LIG4: variants seen among roughly 807,000 people sequenced by gnomAD.
LIG4 encodes the protein DNA joinase.
Under a neutral mutation model 19.0 loss-of-function variants are expected in LIG4, and 13 were observed. That is an observed-to-expected ratio of 0.68 (90% CI 0.44 to 1.09). The LOEUF (loss-of-function observed/expected upper bound fraction) is 1.09, where lower values mean the gene tolerates loss of function less well. LIG4 is among the 50% of genes least tolerant of loss of function. The pLI is 0.00. For missense variants in LIG4, 1,026 were observed against 1,089.7 expected, an observed-to-expected ratio of 0.94 and a Z score of 0.82; for synonymous variants, 361 against 358.2, an observed-to-expected ratio of 1.01 and a Z score of -0.09.
rs971449364 is a variant in LIG4, at chr13:108,207,611, C to A, written c.*922G>T. 2 of 151,936 alleles carry A rather than the reference C, an allele frequency of 1.3e-5. No individual in the cohort carries two copies. The highest frequency in any genetic ancestry group is 2.9e-5 in the Non-Finnish European group (2 of 67,986). The allele number at this position is 151,936 out of a possible 1,614,324, so 9.4% of individuals were successfully genotyped here. On this transcript the variant is annotated 3_prime_UTR_variant, in exon 3 of 3. Coordinates refer to ENST00000442234, the MANE Select transcript of LIG4 (RefSeq NM_206937.2). ...TATGGTCATGAGATAGGCTGTATTC[C>A]AAAATTTGGTATATAAATCCATACA...
rs1878289008 is a variant in LIG4 at position 108,209,204 on chromosome 13, T to C, written c.2065A>G (p.Ile689Val). The C allele has an allele frequency of 6.2e-7, 1 of 1,614,208 alleles. No homozygotes were observed. The highest frequency in any genetic ancestry group is 2.2e-5 in the East Asian group (1 of 44,886). ...ENRIAEFGGY[I>V]VQNPGPDTYC... ...GTGTCTGGGCCTGGATTTTGTACTA[T>C]ATAACCACCAAATTCTGCAATTCTG... Residue 689 changes from isoleucine (I) to valine (V), a missense_variant, in exon 3 of 3, where the codon ATA (isoleucine) becomes GTA (valine). Physicochemically the swap from Ile to Val is conservative, Grantham distance 29. Around this residue, in one of 3 missense-constraint regions of LIG4, gnomAD observed 521 missense variants for 515.5 expected, o/e 1.01. Coordinates refer to ENST00000442234, the MANE Select transcript of LIG4 (RefSeq NM_206937.2).
Position 108,208,471 on chromosome 13 carries a change from C to A in LIG4, c.*62G>T. On this transcript the variant is annotated 3_prime_UTR_variant, in exon 3 of 3. Coordinates refer to ENST00000442234, the MANE Select transcript of LIG4 (RefSeq NM_206937.2). ...AATAAAATGTAGTTTAGTATTTTAT[C>A]ATTACCACCTGCTGCAATGAGTCTG... 1 of 1,011,554 alleles carries A rather than the reference C, an allele frequency of 9.9e-7. No homozygotes were observed. Among genetic ancestry groups the A allele is most frequent in the Non-Finnish European group, 1.5e-6 (1 of 657,084 alleles). 62.7% of individuals were successfully genotyped at this position (1,011,554 alleles called of 1,614,324 possible). A position where few individuals can be genotyped will look rare whatever the true frequency, so the allele number is the denominator to read the frequency against.
rs750391445 is a variant in LIG4, at chr13:108,210,173, CACAATA to C, written c.1090_1095del (p.Tyr364_Cys365del). On this transcript the variant is annotated inframe_deletion, in exon 3 of 3. Coordinates refer to ENST00000442234, the MANE Select transcript of LIG4 (RefSeq NM_206937.2). ...TTATTAACCATCAATACATCAAAAACACAATAACAAGTTTGCAGATCAGAATCCTCT... is the reference window on the plus strand; with the variant it reads ...TTATTAACCATCAATACATCAAAAACACAAGTTTGCAGATCAGAATCCTCT... 1 of 1,613,792 alleles carries C rather than the reference CACAATA, an allele frequency of 6.2e-7. No homozygotes were observed. The highest frequency in any genetic ancestry group is 1.1e-5 in the South Asian group (1 of 91,070).
chr13:108,209,114 CATGTTTATTTGACAAAATT>C lies in LIG4; in HGVS notation c.2136_2154del (p.Ile712MetfsTer10), dbSNP rs746688093. ...AAAAGCCATGCAGGCTTGACAACATCATGTTTATTTGACAAAATTATGTTTTTCACTCTGATGTTCTCAG... is the reference window on the plus strand; with the variant it reads ...AAAAGCCATGCAGGCTTGACAACATCATGTTTTTCACTCTGATGTTCTCAG... On this transcript the variant is annotated frameshift_variant, in exon 3 of 3. Transcript: ENST00000442234. LOFTEE classifies it low-confidence loss of function (END_TRUNC). The C allele has an allele frequency of 2.5e-6, 4 of 1,614,140 alleles. No individual in the cohort carries two copies. Among genetic ancestry groups the C allele is most frequent in the Non-Finnish European group, 3.4e-6 (4 of 1,180,018 alleles).
chr13:108,209,910 C>A lies in LIG4; in HGVS notation c.1359G>T (p.Glu453Asp). The stretch of plus-strand genomic sequence containing the variant: ...ATTCATCCATTAGTCCACTGACATA[C>A]TCTGGTTTAATTTTTAACCACCCTT... ...RGEGWLKIKP[E>D]YVSGLMDELD... Residue 453 changes from glutamate (E) to aspartate (D), a missense_variant, in exon 3 of 3, where the codon GAG (glutamate) becomes GAT (aspartate). By Grantham distance (45) the Glu-to-Asp change is conservative. Around this residue, in one of 3 missense-constraint regions of LIG4, gnomAD observed 493 missense variants for 544.5 expected, o/e 0.91. Coordinates refer to ENST00000442234, the MANE Select transcript of LIG4 (RefSeq NM_206937.2). 1 of 1,614,168 alleles carries A rather than the reference C, an allele frequency of 6.2e-7. No individual in the cohort carries two copies. Among genetic ancestry groups the A allele is most frequent in the Non-Finnish European group, 8.5e-7 (1 of 1,180,020 alleles).
chr13:108,215,479 C>A lies in LIG4; in HGVS notation c.-102+5G>T, dbSNP rs1479485823. The A allele has an allele frequency of 8.3e-6, 1 of 120,624 alleles. No individual in the cohort carries two copies. Among genetic ancestry groups the A allele is most frequent in the Non-Finnish European group, 1.7e-5 (1 of 58,314 alleles). 7.5% of individuals were successfully genotyped at this position (120,624 alleles called of 1,614,324 possible). On this transcript the variant is annotated splice_donor_5th_base_variant and intron_variant, in intron 1 of 2. Transcript: ENST00000442234. ...CCCCCACCTGCCACCCCACACCCTT[C>A]CCACCTGACGTCAAGCCTGAAGCTC...
chr13:108,214,247 C>T (rs995312929), intron 2 of LIG4, among the ~76,000 whole-genome samples: 2 of 152,128 alleles, frequency 1.3e-5, no homozygotes, highest in African/African-American at 4.8e-5. Flanking sequence ...CCCTAGGAAA[C>T]AAAGGGTTTA....
chr13:108,208,602 T>G lies in LIG4; in HGVS notation c.2667A>C (p.Leu889=). Residue 889 remains leucine, a synonymous_variant, in exon 3 of 3, where the codon CTA becomes CTC. Coordinates refer to ENST00000442234, the MANE Select transcript of LIG4 (RefSeq NM_206937.2). ...RRTFKRKFKI[L]KESWVTDSID... ...TTGAATCAGTTACCCAACTTTCTTT[T>G]AGGATTTTAAACTTTCTCTTAAAAG... 1.2e-6 allele frequency: 2 copies of G among 1,613,354 alleles called. No individual in the cohort carries two copies. The highest frequency in any genetic ancestry group is 4.5e-5 in the East Asian group (2 of 44,876).
At chr13:108,217,341 T>C (rs1331504664), upstream of LIG4, among the ~76,000 whole-genome samples, 1 of 151,998 alleles carries the variant, frequency 6.6e-6, no homozygotes, top group Non-Finnish European at 1.5e-5. Flanking sequence ...CATGGTGAAA[T>C]CCCGTCTCTA....
chr13:108,214,218 C>A (rs1400332022), intron 2 of LIG4, among the ~76,000 whole-genome samples: 2 of 152,086 alleles, frequency 1.3e-5, no homozygotes, highest in African/African-American at 4.8e-5. Flanking sequence ...CTTCATGCAA[C>A]CCTTGACAAG....
chr13:108,209,047 C>A lies in LIG4; in HGVS notation c.2222G>T (p.Arg741Leu). The change falls in exon 3 of 3, where the codon CGC becomes CTC. Residue 741 changes from arginine (R) to leucine (L), a missense_variant. Around this residue, in one of 3 missense-constraint regions of LIG4, gnomAD observed 521 missense variants for 515.5 expected, o/e 1.01. Transcript: ENST00000442234. ...KTKSFVPWQP[R>L]FMIHMCPSTK... ...TGATGGGCACATATGAATCATAAAG[C>A]GAGGCTGCCATGGTACAAAGCTTTT... is the stretch of plus-strand genomic sequence containing the variant. 1 of 1,614,070 alleles carries A rather than the reference C, an allele frequency of 6.2e-7. No individual in the cohort carries two copies. Among genetic ancestry groups the A allele is most frequent in the Non-Finnish European group, 8.5e-7 (1 of 1,180,030 alleles).
At chr13:108,215,613 G>A (rs1214503642), upstream of LIG4, 6 of 151,122 alleles carry the variant, frequency 4.0e-5, no homozygotes, top group African/African-American at 1.2e-4. Flanking sequence ...CAAGCACGCC[G>A]GCGCAGCCAG....
In LIG4 at chr13:108,210,258, A is replaced by G. The variant is rs1566365551; in HGVS notation, c.1011T>C (p.Pro337=). 2 of 1,613,780 alleles carry G rather than the reference A, an allele frequency of 1.2e-6. No homozygotes were observed. Among genetic ancestry groups the G allele is most frequent in the African/African-American group, 1.3e-5 (1 of 74,932 alleles). ...ILDGEMMAYN[P]NTQTFMQKGT... is the part of the protein sequence containing the mutation. ...CCTTTTGCATGAAAGTTTGTGTATT[A>G]GGATTATAGGCCATCATCTCACCAT... Residue 337 remains proline, a synonymous_variant, in exon 3 of 3, where the codon CCT becomes CCC. Transcript: ENST00000442234.
At chr13:108,214,961 C>T (rs1478417812) in intron 1 of LIG4, among the ~76,000 whole-genome samples, 13 of 105,090 alleles carry the variant, frequency 1.2e-4, no homozygotes, top group Non-Finnish European at 2.0e-5. Flanking sequence ...CCCCACTTCC[C>T]CTACTTGACT....
rs1878051084 is a variant in LIG4 at position 108,207,594 on chromosome 13, T to C, written c.*939A>G. On this transcript the variant is annotated 3_prime_UTR_variant, in exon 3 of 3. Coordinates refer to ENST00000442234, the MANE Select transcript of LIG4 (RefSeq NM_206937.2). ...AATTCCGTACATTTCAATATGGTCATGAGATAGGCTGTATTCCAAAATTTG... is the reference window on the plus strand; with the variant it reads ...AATTCCGTACATTTCAATATGGTCACGAGATAGGCTGTATTCCAAAATTTG... 6.6e-6 allele frequency: 1 copy of C among 152,154 alleles called. No individual in the cohort carries two copies. The highest frequency in any genetic ancestry group is 2.1e-4 in the South Asian group (1 of 4,834). The allele number at this position is 152,154 out of a possible 1,614,324, so 9.4% of individuals were successfully genotyped here.
At chr13:108,212,792 G>A (rs1325583845) in intron 2 of LIG4, among the ~76,000 whole-genome samples, 1 of 151,878 alleles carries the variant, frequency 6.6e-6, no homozygotes, top group Middle Eastern at 3.2e-3. Flanking sequence ...CTAGAGGCCA[G>A]GAATTGTGCT....
intron 2 of LIG4, among the ~76,000 whole-genome samples, chr13:108,214,140 G>A (rs1353700701): frequency 6.6e-6 from 1 of 152,130 alleles, no homozygotes; most frequent in African/African-American, 2.4e-5. Context: ...GTGATTAAGT[G>A]CTATGCTATT....
chr13:108,209,137 T>C lies in LIG4; in HGVS notation c.2132A>G (p.Asn711Ser). 6 of 1,614,170 alleles carry C rather than the reference T, an allele frequency of 3.7e-6. No homozygotes were observed. Among genetic ancestry groups the C allele is most frequent in the Non-Finnish European group, 5.1e-6 (6 of 1,180,012 alleles). ...IAGSENIRVK[N>S]IILSNKHDVV... is the part of the protein sequence containing the mutation. ...ATCATGTTTATTTGACAAAATTATG[T>C]TTTTCACTCTGATGTTCTCAGACCC... Residue 711 changes from asparagine (N) to serine (S), a missense_variant, in exon 3 of 3, where the codon AAC (asparagine) becomes AGC (serine). Asn to Ser is a conservative substitution (Grantham distance 46). This residue lies in a region of LIG4 where 521 missense variants were observed against 515.5 expected (regional missense o/e 1.01). Transcript: ENST00000442234.
At chr13:108,213,584 C>T (rs1878892332) in intron 2 of LIG4, among the ~76,000 whole-genome samples, 1 of 152,182 alleles carries the variant, frequency 6.6e-6, no homozygotes, top group South Asian at 2.1e-4. Flanking sequence ...AAGATTAGGA[C>T]TTCCATTCAT....
Sources: allele counts gnomAD v4.1 joint callset (sites outside exome capture counted in the v4.1 genomes callset), GRCh38; gene constraint gnomAD v4.1.1; regional missense constraint gnomAD v4.1.1; transcripts MANE v1.5; gene names NCBI Gene and HGNC (gene_info 2026-07-23, HGNC 2026-07-21).